The following PRMT8 variants were observed in gnomAD, a reference collection of about 807,000 sequenced individuals.
PRMT8 encodes the protein protein arginine N-methyltransferase 8.
Under a neutral mutation model 47.1 loss-of-function variants are expected in PRMT8, and 7 were observed. The observed-to-expected ratio is 0.15, with a 90% CI of 0.08 to 0.28. The LOEUF is 0.28. PRMT8 is among the 10% of genes least tolerant of loss of function. The pLI, the probability that PRMT8 is intolerant of heterozygous loss-of-function variation, is 1.00. For missense variants in PRMT8, 237 were observed against 505.4 expected (o/e 0.47, Z 5.09); for synonymous variants, 188 against 186.5 (o/e 1.01, Z -0.07).
chr12:3,403,806 G>A (rs1864344146), intron 1 of PRMT8, among the ~76,000 whole-genome samples: 1 of 149,340 alleles, frequency 6.7e-6, no homozygotes, highest in Non-Finnish European at 1.5e-5. Flanking sequence ...GAATTCGGGA[G>A]GTGGAGGTTG....
chr12:3,517,951 T>C (rs1216984007), intron 1 of PRMT8, among the ~76,000 whole-genome samples: 1 of 152,058 alleles, frequency 6.6e-6, no homozygotes, highest in Non-Finnish European at 1.5e-5. Flanking sequence ...TAATTTTCTA[T>C]GTGAATAATA....
chr12:3,403,898 AGAGAG>A (rs1267911089), intron 1 of PRMT8, among the ~76,000 whole-genome samples: 3 of 109,058 alleles, frequency 2.8e-5, no homozygotes, highest in East Asian at 3.3e-4. Flanking sequence ...AAAAAAAAAA[AGAGAG>A]AGAAAAAATG....
intron 1 of PRMT8, among the ~76,000 whole-genome samples, chr12:3,446,600 C>G (rs1032232250): frequency 1.3e-5 from 2 of 152,168 alleles, no homozygotes; most frequent in Non-Finnish European, 2.9e-5. Flanking sequence ...CTATTGGAAA[C>G]GGAGTCCCAG....
intron 1 of PRMT8, among the ~76,000 whole-genome samples, chr12:3,429,449 A>G (rs1422731923): frequency 6.6e-6 from 1 of 152,204 alleles, no homozygotes; most frequent in East Asian, 1.9e-4. Flanking sequence ...ACAAAACACC[A>G]TGCTAACACC....
At chr12:3,460,532 G>C (rs1283102906) in intron 1 of PRMT8, among the ~76,000 whole-genome samples, 1 of 152,208 alleles carries the variant, frequency 6.6e-6, no homozygotes, top group Non-Finnish European at 1.5e-5. Context: ...GATGAAGTTG[G>C]AGGTTTGCGG....
rs543617690 is a variant in PRMT8, at chr12:3,436,059, C to A, written c.48+54617C>A. Among the ~76,000 whole-genome samples, 17 of 152,166 alleles carry A rather than the reference C, an allele frequency of 1.1e-4. No homozygotes were observed. The South Asian group carries it at 3.5e-3, about 32-fold the overall frequency. ...GTATGTGTTCAGGATGGAGAGTTCA[C>A]ACCTGTGGTGAGGTTGGGCAAAGGC... On this transcript the variant is annotated intron_variant, in intron 1 of 9. Coordinates refer to the PRMT8 transcript ENST00000452611. This position sits in a 1 kb window ranked among gnomAD's most constrained non-coding sequence, Gnocchi z 4.2.
At chr12:3,484,731 C>T (rs1194911417) in intron 1 of PRMT8, among the ~76,000 whole-genome samples, 7 of 152,222 alleles carry the variant, frequency 4.6e-5, no homozygotes, top group Non-Finnish European at 5.9e-5. Flanking sequence ...TCACTTACTT[C>T]CTCTCTCAGC....
At chr12:3,444,445 C>T (rs1397956129) in intron 1 of PRMT8, among the ~76,000 whole-genome samples, 2 of 152,208 alleles carry the variant, frequency 1.3e-5, no homozygotes, top group African/African-American at 4.8e-5. Context: ...AGGACAAAAT[C>T]CTAGAGGGGC....
intron 4 of PRMT8, 93 bp downstream of exon 4, chr12:3,553,807 C>A: frequency 1.6e-6 from 2 of 1,219,432 alleles, no homozygotes; most frequent in Non-Finnish European, 2.4e-6. Flanking sequence ...GAGCGCAGAG[C>A]ACTTGGACTT....
At chr12:3,451,166 C>T (rs1206327841) in intron 1 of PRMT8, among the ~76,000 whole-genome samples, 1 of 150,828 alleles carries the variant, frequency 6.6e-6, no homozygotes, top group Admixed American at 6.7e-5. Flanking sequence ...GAAATGAGGG[C>T]ACAGGAGCTC....
Position 3,539,454 on chromosome 12 carries a change from C to A in PRMT8, c.76-1152C>A, listed in dbSNP as rs537348914. On this transcript the variant is annotated intron_variant, in intron 1 of 9. Coordinates refer to ENST00000382622, the MANE Select transcript of PRMT8 (RefSeq NM_019854.5). ...AATTTTACTAGAGCCAGGATAGGAC[C>A]CAGGAGCCTGGATTCCCAGCCCTAG... Among the ~76,000 whole-genome samples, 9 of 152,216 alleles carry A rather than the reference C, an allele frequency of 5.9e-5. No individual in the cohort carries two copies. In the South Asian group the frequency reaches 1.9e-3, roughly 32 times the overall value.
chr12:3,471,026 G>C (rs946154110), intron 1 of PRMT8, among the ~76,000 whole-genome samples: 5 of 152,160 alleles, frequency 3.3e-5, no homozygotes, highest in Admixed American at 1.3e-4. Context: ...GGTGACACGT[G>C]TCTAAAGCTC....
chr12:3,568,998 G>T, intron 5 of PRMT8, 150 bp downstream of exon 5: 1 of 1,115,802 alleles, frequency 9.0e-7, no homozygotes, highest in Non-Finnish European at 1.3e-6. Flanking sequence ...GAGCAGATCT[G>T]TATCAGGGAA....
At chr12:3,545,562 C>T (rs1441866430) in intron 2 of PRMT8, among the ~76,000 whole-genome samples, 1 of 152,196 alleles carries the variant, frequency 6.6e-6, no homozygotes, top group African/African-American at 2.4e-5. Flanking sequence ...GCCTCCTTTT[C>T]ACCTTCTGTA....
intron 1 of PRMT8, among the ~76,000 whole-genome samples, chr12:3,532,651 C>T (rs1866051914): frequency 7.2e-6 from 1 of 139,026 alleles, no homozygotes; most frequent in South Asian, 2.5e-4. Context: ...AGAGCTCTCT[C>T]TTTAGCTTAT....
chr12:3,438,603 G>C (rs1191161571), intron 1 of PRMT8, among the ~76,000 whole-genome samples: 1 of 152,222 alleles, frequency 6.6e-6, no homozygotes, highest in Non-Finnish European at 1.5e-5. Context: ...ATGCACTGAT[G>C]ACAAATTCCT....
At chr12:3,421,837 A>G (rs993168702) in intron 1 of PRMT8, among the ~76,000 whole-genome samples, 1 of 152,254 alleles carries the variant, frequency 6.6e-6, no homozygotes. Flanking sequence ...ACTCAGAGCC[A>G]TGAGCAACGG....
intron 1 of PRMT8, among the ~76,000 whole-genome samples, chr12:3,414,697 C>T (rs774574285): frequency 4.6e-5 from 7 of 151,700 alleles, no homozygotes; most frequent in African/African-American, 1.5e-4. Flanking sequence ...TGATATTGGG[C>T]GATAGAAGAG....
rs913574824 is a variant in PRMT8 at position 3,394,834 on chromosome 12, C to T, written c.48+13392C>T. ...TGGTAGAATTCAGCTGTGAATCCAT[C>T]TGGTCCTGGACTCTTTTTGGTTGGT... On this transcript the variant is annotated intron_variant, in intron 1 of 9. Coordinates refer to the PRMT8 transcript ENST00000452611. Among the ~76,000 whole-genome samples the T allele has an allele frequency of 6.0e-3, 912 of 151,512 alleles. 4 individuals are homozygous for T. The highest frequency in any genetic ancestry group is 9.2e-3 in the Non-Finnish European group (625 of 67,618).
Sources: allele counts gnomAD v4.1 joint callset (sites outside exome capture counted in the v4.1 genomes callset), GRCh38; gene constraint gnomAD v4.1.1; non-coding constraint Gnocchi (gnomAD v3.1); transcripts MANE v1.5; gene names NCBI Gene and HGNC (gene_info 2026-07-23, HGNC 2026-07-21).